Variants in TBC1D8 observed in about 807,000 individuals in gnomAD.
The protein encoded by TBC1D8 is TBC1 domain family member 8.
Under a neutral mutation model 118.8 loss-of-function variants are expected in TBC1D8, and 65 were observed. The observed-to-expected ratio is 0.55, with a 90% CI of 0.45 to 0.67. The LOEUF is 0.67. TBC1D8 is among the 30% of genes least tolerant of loss of function. The pLI, the probability that TBC1D8 is intolerant of heterozygous loss-of-function variation, is 0.00. For missense variants in TBC1D8, 1,376 were observed against 1,471.2 expected (o/e 0.94, Z 1.06); for synonymous variants, 566 against 595.8 (o/e 0.95, Z 0.73).
intron 2 of TBC1D8, among the ~76,000 whole-genome samples, chr2:101,074,463 C>G (rs1025088352): frequency 6.6e-6 from 1 of 152,162 alleles, no homozygotes; most frequent in African/African-American, 2.4e-5. Context: ...AAAAATAGTG[C>G]TAACAGATTT....
At position 101,007,307 on chromosome 2, in the gene TBC1D8, G is replaced by GGACA. The variant is rs1396490783; in HGVS notation, c.*510_*513dup. ...TTTGTACACAACAACATTTTTGGAA[G>GGACA]GACATATAAAGTGAATACAACCAAA... is the stretch of plus-strand genomic sequence containing the variant. On this transcript the variant is annotated 3_prime_UTR_variant, in exon 20 of 20. Transcript: ENST00000409318. 6.5e-6 allele frequency: 1 copy of GGACA among 152,726 alleles called. No individual in the cohort carries two copies. The highest frequency in any genetic ancestry group is 1.5e-5 in the Non-Finnish European group (1 of 68,478). 9.5% of individuals were successfully genotyped at this position (152,726 alleles called of 1,614,324 possible). A position where few individuals can be genotyped will look rare whatever the true frequency, so the allele number is the denominator to read the frequency against.
chr2:101,015,393 C>T (rs1001935025), intron 17 of TBC1D8, among the ~76,000 whole-genome samples: 2 of 152,152 alleles, frequency 1.3e-5, no homozygotes, highest in Non-Finnish European at 2.9e-5. Flanking sequence ...AAACACTTAA[C>T]TGTACTGAGT....
chr2:101,118,696 C>CAAA (rs36069912), intron 1 of TBC1D8, among the ~76,000 whole-genome samples: 2 of 80,562 alleles, frequency 2.5e-5, no homozygotes, highest in Non-Finnish European at 2.5e-5. Context: ...AACTCCATCT[C>CAAA]AAAAAAAAAA....
At chr2:101,148,075 C>T (rs1284490999) in intron 1 of TBC1D8, among the ~76,000 whole-genome samples, 1 of 152,190 alleles carries the variant, frequency 6.6e-6, no homozygotes, top group Non-Finnish European at 1.5e-5. Context: ...CACATCTGTG[C>T]CCGCCCTTTC....
chr2:101,087,538 G>A (rs1675720074), intron 2 of TBC1D8, among the ~76,000 whole-genome samples: 1 of 151,726 alleles, frequency 6.6e-6, no homozygotes, highest in Non-Finnish European at 1.5e-5. Flanking sequence ...AGCTACTTGG[G>A]AGGCTGAGGC....
In TBC1D8 at chr2:101,100,903, G is replaced by A. The variant is rs115379517; in HGVS notation, c.128-10539C>T. Reference sequence around the variant, plus strand: ...AAAAATTAACTATTAACTCAAGGTGGATTAAAGACTAAAATGTAAAACCCA... The same window carrying A: ...AAAAATTAACTATTAACTCAAGGTGAATTAAAGACTAAAATGTAAAACCCA... On this transcript the variant is annotated intron_variant, in intron 1 of 19. Transcript: ENST00000409318. Among the ~76,000 whole-genome samples, 1,376 of 152,170 alleles carry A rather than the reference G, an allele frequency of 9.0e-3. 13 individuals carry two copies. Among genetic ancestry groups the A allele is most frequent in the Non-Finnish European group, 0.015 (1,006 of 68,004 alleles).
chr2:101,146,198 C>T (rs1277709275), intron 1 of TBC1D8, among the ~76,000 whole-genome samples: 1 of 152,194 alleles, frequency 6.6e-6, no homozygotes, highest in African/African-American at 2.4e-5. Context: ...TGAGTTATAA[C>T]TAAGGCTCAA....
intron 1 of TBC1D8, among the ~76,000 whole-genome samples, chr2:101,115,254 A>G (rs1677769621): frequency 6.6e-6 from 1 of 152,242 alleles, no homozygotes; most frequent in Non-Finnish European, 1.5e-5. Context: ...AACCTGTGGG[A>G]AGAACAGACG....
At chr2:101,027,173 C>T (rs1680384971) in intron 15 of TBC1D8, among the ~76,000 whole-genome samples, 1 of 152,150 alleles carries the variant, frequency 6.6e-6, no homozygotes, top group Non-Finnish European at 1.5e-5. Flanking sequence ...CACCCCAGCT[C>T]CCTCCTCCCA....
chr2:101,114,196 A>T (rs1228496610), intron 1 of TBC1D8, among the ~76,000 whole-genome samples: 1 of 152,212 alleles, frequency 6.6e-6, no homozygotes, highest in East Asian at 1.9e-4. Flanking sequence ...TGTAAAGCTC[A>T]TATTTACTTG....
At position 101,068,645 on chromosome 2, in the gene TBC1D8, C is replaced by A. The variant is rs1683143904; in HGVS notation, c.284-9106G>T. The A allele has an allele frequency of 5.8e-6, 3 of 515,196 alleles. No homozygotes were observed. The South Asian group carries it at 6.0e-5, about 10-fold the overall frequency. 31.9% of individuals were successfully genotyped at this position (515,196 alleles called of 1,614,324 possible). On this transcript the variant is annotated intron_variant, in intron 2 of 19. Transcript: ENST00000409318. ...AGAAATGGCAGAAAAGGAACAATGG[C>A]AAATAACCCACTGGATGATACCTTA...
intron 5 of TBC1D8, among the ~76,000 whole-genome samples, chr2:101,049,221 A>G: frequency 6.6e-6 from 1 of 152,184 alleles, no homozygotes; most frequent in Non-Finnish European, 1.5e-5. Flanking sequence ...AAAAATAAAA[A>G]CTTTGGATAA....
At chr2:101,068,449 A>G (rs2105433455) in intron 2 of TBC1D8, 1 of 344,248 alleles carries the variant, frequency 2.9e-6, no homozygotes, top group African/African-American at 2.2e-5. Flanking sequence ...ATTCAGATAT[A>G]GCGAAAGTGA....
intron 1 of TBC1D8, among the ~76,000 whole-genome samples, chr2:101,112,790 G>C (rs1677663136): frequency 6.6e-6 from 1 of 152,092 alleles, no homozygotes; most frequent in Admixed American, 6.6e-5. Context: ...TCCTCCCTTA[G>C]AGACCAGTAG....
At chr2:101,121,384 C>G (rs760920863) in intron 1 of TBC1D8, among the ~76,000 whole-genome samples, 5 of 152,180 alleles carry the variant, frequency 3.3e-5, no homozygotes, top group Non-Finnish European at 7.4e-5. Context: ...ACACTAGAGG[C>G]GGACACAGTC....
intron 17 of TBC1D8, among the ~76,000 whole-genome samples, chr2:101,012,600 T>C (rs1347279914): frequency 6.7e-6 from 1 of 150,302 alleles, no homozygotes; most frequent in Non-Finnish European, 1.5e-5. Context: ...TTGATTGTGG[T>C]GATCGCTGCA....
chr2:101,095,079 C>A (rs902407380), intron 1 of TBC1D8, among the ~76,000 whole-genome samples: 1 of 152,010 alleles, frequency 6.6e-6, no homozygotes, highest in Non-Finnish European at 1.5e-5. Flanking sequence ...CTCTAGGGTA[C>A]CCCACAACTT....
chr2:101,146,890 T>C (rs1415651832), intron 1 of TBC1D8, among the ~76,000 whole-genome samples: 1 of 152,228 alleles, frequency 6.6e-6, no homozygotes, highest in African/African-American at 2.4e-5. Context: ...TGGTAACCAC[T>C]GTTCTACTCT....
chr2:101,011,401 G>A (rs369827862), intron 18 of TBC1D8, 50 bp downstream of exon 18: 188 of 1,571,024 alleles, frequency 1.2e-4, no homozygotes, highest in Admixed American at 3.7e-4. Flanking sequence ...GGTGCCTCCC[G>A]CCACTGCAGT....
Sources: allele counts gnomAD v4.1 joint callset (sites outside exome capture counted in the v4.1 genomes callset), GRCh38; gene constraint gnomAD v4.1.1; transcripts MANE v1.5; gene names NCBI Gene and HGNC (gene_info 2026-07-23, HGNC 2026-07-21).